Variants in HS1BP3 observed in about 807,000 individuals in gnomAD.
HS1BP3 encodes the protein HCLS1-binding protein 3.
A neutral mutation model predicts 33.5 loss-of-function variants in HS1BP3; 32 were observed. The observed-to-expected ratio is 0.95, with a 90% CI of 0.72 to 1.28. HS1BP3 has a LOEUF of 1.28. Ranked by LOEUF, HS1BP3 falls within the 50% of genes most tolerant of loss-of-function variation. The pLI is 0.00. For synonymous variants in HS1BP3, 187 were observed against 209.2 expected (o/e 0.89, Z 0.92); for missense variants, 486 against 502.3 (o/e 0.97, Z 0.31).
intron 6 of HS1BP3, chr2:20,622,950 G>GCTGCTAAT (rs1694652520): frequency 6.5e-6 from 1 of 153,806 alleles, no homozygotes; most frequent in South Asian, 2.0e-4. Context: ...TGCTAATGAG[G>GCTGCTAAT]GGTACAGATG....
chr2:20,572,827 C>T (rs1693307336), intron 5 of HS1BP3, among the ~76,000 whole-genome samples: 1 of 152,108 alleles, frequency 6.6e-6, no homozygotes, highest in African/African-American at 2.4e-5. Context: ...ACACAGGTGG[C>T]CCCTGCTCCA....
intron 4 of HS1BP3, 138 bp from the exon 5 acceptor site, chr2:20,625,030 C>A: frequency 9.8e-7 from 1 of 1,024,512 alleles, no homozygotes; most frequent in East Asian, 2.4e-5. Flanking sequence ...CCAGAGGGAC[C>A]AGGGAAGTCC....
chr2:20,560,678 G>A (rs1692970257), intron 5 of HS1BP3, among the ~76,000 whole-genome samples: 1 of 152,104 alleles, frequency 6.6e-6, no homozygotes, highest in South Asian at 2.1e-4. Context: ...CCAGAGAGAA[G>A]GGACTCACCC....
downstream of HS1BP3, among the ~76,000 whole-genome samples, chr2:20,556,751 A>G (rs555303398): frequency 6.6e-6 from 1 of 152,318 alleles, no homozygotes; most frequent in African/African-American, 2.4e-5. Flanking sequence ...ATTTTAGTTT[A>G]AATTGTACAT....
chr2:20,599,982 TG>T (rs946064690), intron 2 of HS1BP3, among the ~76,000 whole-genome samples: 1 of 152,132 alleles, frequency 6.6e-6, no homozygotes, highest in Admixed American at 6.5e-5. Context: ...TGATTCCAGA[TG>T]CGAGCCCTCA....
At chr2:20,599,649 C>CAT (rs1553317640) in intron 2 of HS1BP3, among the ~76,000 whole-genome samples, 3,942 of 138,882 alleles carry the variant, frequency 0.028, 60 homozygotes, top group Middle Eastern at 0.094. Context: ...CACACACACA[C>CAT]TCTGTTTTTT....
chr2:20,602,924 A>G (rs1303108747), intron 2 of HS1BP3, among the ~76,000 whole-genome samples: 1 of 152,250 alleles, frequency 6.6e-6, no homozygotes, highest in Non-Finnish European at 1.5e-5. Context: ...AAAGATCTAG[A>G]TAGACATTTC....
At chr2:20,624,929 C>A in intron 4 of HS1BP3, 37 bp from the exon 5 acceptor site, 1 of 1,611,966 alleles carries the variant, frequency 6.2e-7, no homozygotes, top group South Asian at 1.1e-5. Flanking sequence ...GTGAGGATTT[C>A]CCACAAGTGT....
chr2:20,581,712 C>G (rs1558321804), intron 5 of HS1BP3, among the ~76,000 whole-genome samples: 1 of 152,214 alleles, frequency 6.6e-6, no homozygotes, highest in African/African-American at 2.4e-5. Flanking sequence ...CTACCTGGAT[C>G]CTCTGCTCAG....
At chr2:20,563,941 C>T (rs1221020417) in intron 5 of HS1BP3, among the ~76,000 whole-genome samples, 1 of 152,162 alleles carries the variant, frequency 6.6e-6, no homozygotes, top group East Asian at 1.9e-4. Flanking sequence ...AATGGAACCA[C>T]TTAGTGTAGT....
Position 20,618,543 on chromosome 2 carries a change from A to T in HS1BP3, c.*444T>A. ...GGGAGGATACCGGTCACTCCTTCTT[A>T]CTATGCGAACAGAGGCAGAGGAGGG... On this transcript the variant is annotated 3_prime_UTR_variant, in exon 7 of 7. Transcript: ENST00000304031. The T allele has an allele frequency of 5.2e-6, 1 of 193,574 alleles. No homozygotes were observed. Among genetic ancestry groups the T allele is most frequent in the Non-Finnish European group, 9.8e-6 (1 of 102,122 alleles). 12.0% of individuals were successfully genotyped at this position (193,574 alleles called of 1,614,324 possible).
chr2:20,645,351 C>T lies in HS1BP3; in HGVS notation c.187G>A (p.Val63Ile), dbSNP rs144371243. The T allele has an allele frequency of 5.2e-5, 84 of 1,613,454 alleles. No homozygotes were observed. The African/African-American group carries it at 6.9e-4, about 13-fold the overall frequency. Residue 63 changes from valine (V) to isoleucine (I), a missense_variant, in exon 2 of 7, where the codon GTC becomes ATC. By Grantham distance (29) the Val-to-Ile change is conservative. Coordinates refer to ENST00000304031, the MANE Select transcript of HS1BP3 (RefSeq NM_022460.4). ...AGCCTCCGGCTCACCAAGAACTGGA[C>T]GACATCCTCGGGCCTGTGCTTGGCC... ...KSAKHRPEDVVQFLVSKKYSE... is the reference protein window; with the variant it reads ...KSAKHRPEDVIQFLVSKKYSE...
downstream of HS1BP3, among the ~76,000 whole-genome samples, chr2:20,558,460 T>C (rs1414468838): frequency 6.6e-6 from 1 of 152,182 alleles, no homozygotes; most frequent in African/African-American, 2.4e-5. Context: ...TGGGGTATCA[T>C]GCCTCCGTCT....
chr2:20,614,460 G>A (rs1020091813), downstream of HS1BP3, among the ~76,000 whole-genome samples: 12 of 152,230 alleles, frequency 7.9e-5, no homozygotes, highest in Non-Finnish European at 1.5e-4. Context: ...ACCTCCTTTA[G>A]TTGTGCCTGA....
intron 5 of HS1BP3, chr2:20,586,312 C>G (rs13384848): frequency 0.061 from 9,265 of 152,280 alleles, 270 homozygotes; most frequent in South Asian, 0.084. Context: ...AGAGCACAGC[C>G]ACCTTGAAGC....
chr2:20,639,747 T>A (rs550086611), intron 3 of HS1BP3, among the ~76,000 whole-genome samples: 9 of 152,348 alleles, frequency 5.9e-5, no homozygotes, highest in Admixed American at 5.9e-4. Context: ...ATGAGCAAAG[T>A]GAGGCATAGA....
intron 2 of HS1BP3, among the ~76,000 whole-genome samples, chr2:20,643,150 C>G (rs1266379331): frequency 1.3e-5 from 2 of 152,184 alleles, no homozygotes; most frequent in Admixed American, 6.5e-5. Flanking sequence ...GAGTTCTTTG[C>G]CCTCGCAAGT....
chr2:20,599,905 C>T (rs969088764), intron 2 of HS1BP3, among the ~76,000 whole-genome samples: 2 of 152,154 alleles, frequency 1.3e-5, no homozygotes, highest in African/African-American at 4.8e-5. Flanking sequence ...AGAAGTTCCA[C>T]TCTGTGAAGT....
At chr2:20,586,847 C>T (rs546075519) in intron 5 of HS1BP3, among the ~76,000 whole-genome samples, 7 of 152,172 alleles carry the variant, frequency 4.6e-5, no homozygotes, top group African/African-American at 1.2e-4. Flanking sequence ...ATTTGCGTTT[C>T]GTTAATAATC....
Sources: allele counts gnomAD v4.1 joint callset (sites outside exome capture counted in the v4.1 genomes callset), GRCh38; gene constraint gnomAD v4.1.1; transcripts MANE v1.5; gene names NCBI Gene and HGNC (gene_info 2026-07-23, HGNC 2026-07-21).